PHYHD1: variants seen among roughly 807,000 people sequenced by gnomAD.
PHYHD1 encodes phytanoyl-CoA dioxygenase domain containing 1.
PHYHD1 carries 42 observed loss-of-function variants against 43.6 expected under a neutral mutation model. The ratio of observed to expected loss-of-function variants is 0.96; its 90% CI spans 0.75 to 1.25. The LOEUF is 1.25. Ranked by LOEUF, PHYHD1 falls within the 50% of genes most tolerant of loss-of-function variation. PHYHD1 has a pLI of 0.00. For synonymous variants in PHYHD1, 139 were observed against 143.6 expected, an observed-to-expected ratio of 0.97 and a Z score of 0.23; for missense variants, 342 against 370.8, an observed-to-expected ratio of 0.92 and a Z score of 0.64.
chr9:128,931,831 T>C lies in PHYHD1; in HGVS notation c.193-1951T>C, dbSNP rs560285538. Among the ~76,000 whole-genome samples the C allele has an allele frequency of 6.4e-5, 8 of 124,716 alleles. No homozygotes were observed. The East Asian group carries it at 1.7e-3, about 26-fold the overall frequency. 81.8% of individuals were successfully genotyped at this position (124,716 alleles called of 152,430 possible). A position where few individuals can be genotyped will look rare whatever the true frequency, so the allele number is the denominator to read the frequency against. Reference sequence around the variant, plus strand: ...CGTGAGCCACCTCGCCCGGCCTTTCTTTCTTTCTTTCTTTCTTTTTGAGAT... The same window carrying C: ...CGTGAGCCACCTCGCCCGGCCTTTCCTTCTTTCTTTCTTTCTTTTTGAGAT... On this transcript the variant is annotated intron_variant, in intron 4 of 12. Coordinates refer to ENST00000372592, the MANE Select transcript of PHYHD1 (RefSeq NM_001100876.2).
In PHYHD1 at chr9:128,939,623, T is replaced by G. The variant is rs1841506582; in HGVS notation, c.458-746T>G. 1.6e-5 allele frequency among the ~76,000 whole-genome samples: 2 copies of G among 124,544 alleles called. 1 individual carries two copies. The highest frequency in any genetic ancestry group is 3.7e-5 in the Non-Finnish European group (2 of 54,128). 81.7% of individuals were successfully genotyped at this position (124,544 alleles called of 152,430 possible). ...ATAATAATAAAGAAATGTGGATGCC[T>G]GATCATAGCATCTCCCTGCTTCGCA... On this transcript the variant is annotated intron_variant, in intron 9 of 12. Coordinates refer to ENST00000372592, the MANE Select transcript of PHYHD1 (RefSeq NM_001100876.2).
chr9:128,923,564 TACTTTGTTA>T (rs1311822051), intron 3 of PHYHD1, among the ~76,000 whole-genome samples: 1 of 152,248 alleles, frequency 6.6e-6, no homozygotes, highest in Non-Finnish European at 1.5e-5. Context: ...AGATAAACTA[TACTTTGTTA>T]AACTAATCCC....
At chr9:128,929,527 G>T (rs1056780739) in intron 4 of PHYHD1, among the ~76,000 whole-genome samples, 1 of 151,906 alleles carries the variant, frequency 6.6e-6, no homozygotes, top group Non-Finnish European at 1.5e-5. Flanking sequence ...ACAAAAATTA[G>T]CTGGGCATGG....
At chr9:128,941,392 G>T in intron 11 of PHYHD1, 53 bp from the exon 12 acceptor site, 1 of 1,601,570 alleles carries the variant, frequency 6.2e-7, no homozygotes. Context: ...TCCTGCTCTG[G>T]GGAGGGGGGA....
intron 4 of PHYHD1, among the ~76,000 whole-genome samples, chr9:128,929,978 A>G (rs1232428130): frequency 6.6e-6 from 1 of 151,376 alleles, no homozygotes; most frequent in Non-Finnish European, 1.5e-5. Context: ...AAATACAAAA[A>G]AAAAAAAAAT....
chr9:128,941,658 TC>T lies in PHYHD1; in HGVS notation c.831-8del. 6.2e-7 allele frequency: 1 copy of T among 1,614,116 alleles called. No homozygotes were observed. On this transcript the variant is annotated splice_polypyrimidine_tract_variant and intron_variant, in intron 12 of 12. Coordinates refer to ENST00000372592, the MANE Select transcript of PHYHD1 (RefSeq NM_001100876.2). The stretch of plus-strand genomic sequence containing the variant: ...GCACCTCAAGGTTGTTTCTCCTCTA[TC>T]CTCTGCAGGCTCCAGCCAACAGCTG...
chr9:128,933,912 C>G, intron 5 of PHYHD1, 55 bp downstream of exon 5: 4 of 1,605,920 alleles, frequency 2.5e-6, no homozygotes, highest in Non-Finnish European at 3.4e-6. Flanking sequence ...GTAGGCTGGA[C>G]CTGGGAATCT....
intron 3 of PHYHD1, among the ~76,000 whole-genome samples, chr9:128,925,085 A>C (rs1284568442): frequency 1.3e-5 from 2 of 152,176 alleles, no homozygotes; most frequent in African/African-American, 4.8e-5. Context: ...TAACATGCAG[A>C]GCTGAGGGGC....
In PHYHD1 at chr9:128,933,945, T is replaced by C. The variant is rs373054477; in HGVS notation, c.269-66T>C. The stretch of plus-strand genomic sequence containing the variant: ...TCTGCCCCCTGGGCTGGAAGCATGC[T>C]GAAGCCAGCTGCCCATGGAAGGCTG... On this transcript the variant is annotated intron_variant, in intron 5 of 12. Transcript: ENST00000372592. The C allele has an allele frequency of 1.6e-5, 25 of 1,606,122 alleles. No individual in the cohort carries two copies. In the East Asian group the frequency reaches 1.8e-4, roughly 11 times the overall value.
chr9:128,930,443 T>C (rs1428839734), intron 4 of PHYHD1, among the ~76,000 whole-genome samples: 2 of 149,430 alleles, frequency 1.3e-5, no homozygotes, highest in African/African-American at 2.5e-5. Flanking sequence ...AGACACTGTC[T>C]TTTTAAAAAA....
intron 4 of PHYHD1, among the ~76,000 whole-genome samples, chr9:128,929,861 A>T (rs1053016525): frequency 6.6e-6 from 1 of 151,862 alleles, no homozygotes; most frequent in Non-Finnish European, 1.5e-5. Flanking sequence ...ATGGTGGCTC[A>T]AGCCTATAAT....
intron 8 of PHYHD1, among the ~76,000 whole-genome samples, chr9:128,937,048 G>A (rs535474293): frequency 9.6e-4 from 146 of 152,194 alleles, no homozygotes; most frequent in African/African-American, 3.4e-3. Context: ...CCAGGAGGTG[G>A]AGGTTACAGT....
At chr9:128,922,505 T>G in intron 3 of PHYHD1, 149 bp downstream of exon 3, 1 of 916,288 alleles carries the variant, frequency 1.1e-6, no homozygotes, top group Non-Finnish European at 1.6e-6. Context: ...CCGCAACCCC[T>G]CCTGACTTCT....
At chr9:128,936,744 TTA>T (rs1226180366) in intron 8 of PHYHD1, 99 bp downstream of exon 8, 5 of 1,306,422 alleles carry the variant, frequency 3.8e-6, no homozygotes, top group Non-Finnish European at 3.2e-6. Flanking sequence ...GCTGGAATTA[TTA>T]TGTTGGTGGG....
intron 6 of PHYHD1, among the ~76,000 whole-genome samples, chr9:128,936,116 A>G (rs1841416852): frequency 6.6e-6 from 1 of 151,800 alleles, no homozygotes; most frequent in Non-Finnish European, 1.5e-5. Context: ...CAGGAGAGAA[A>G]TGGTTACCCG....
At chr9:128,922,171 AG>A in intron 2 of PHYHD1, 111 bp from the exon 3 acceptor site, 1 of 803,678 alleles carries the variant, frequency 1.2e-6, no homozygotes, top group Non-Finnish European at 2.0e-6. Context: ...TGGAGGTCAC[AG>A]GCTGATCTGG....
At chr9:128,924,613 T>TAA (rs74409594) in intron 3 of PHYHD1, among the ~76,000 whole-genome samples, 17 of 128,248 alleles carry the variant, frequency 1.3e-4, no homozygotes, top group African/African-American at 4.9e-4. Flanking sequence ...CCCTGTCTCT[T>TAA]AAAAAAAAAA....
rs780726146 is a variant in PHYHD1 at position 128,940,394 on chromosome 9, C to T, written c.483C>T (p.Phe161=). Residue 161 remains phenylalanine, a synonymous_variant, in exon 10 of 13, where the codon TTC becomes TTT. Transcript: ENST00000372592. ...TCTCCCCTCATCAGGACGCCTCCTTCCTGTACACGGAGCCCCTGGGCCGGG... is the reference window on the plus strand; with the variant it reads ...TCTCCCCTCATCAGGACGCCTCCTTTCTGTACACGGAGCCCCTGGGCCGGG... ...GEVSPHQDAS[F]LYTEPLGRVL... is the part of the protein sequence containing the mutation. 1.9e-6 allele frequency: 3 copies of T among 1,614,088 alleles called. No individual in the cohort carries two copies. The highest frequency in any genetic ancestry group is 3.3e-5 in the Admixed American group (2 of 60,006).
intron 6 of PHYHD1, among the ~76,000 whole-genome samples, chr9:128,935,536 G>A (rs1279030894): frequency 4.3e-5 from 6 of 139,702 alleles, no homozygotes; most frequent in Admixed American, 1.6e-4. Flanking sequence ...TCCAGCCTGG[G>A]CAACAGAGCG....
Sources: allele counts gnomAD v4.1 joint callset (sites outside exome capture counted in the v4.1 genomes callset), GRCh38; gene constraint gnomAD v4.1.1; transcripts MANE v1.5; gene names NCBI Gene and HGNC (gene_info 2026-07-23, HGNC 2026-07-21).